TFCP2L1: variants seen among roughly 807,000 people sequenced by gnomAD.
TFCP2L1 encodes transcription factor CP2-like protein 1.
TFCP2L1 carries 12 observed loss-of-function variants against 72.2 expected under a neutral mutation model. The observed-to-expected ratio is 0.17, with a 90% CI of 0.11 to 0.27. The LOEUF (loss-of-function observed/expected upper bound fraction) is 0.27, where lower values mean the gene tolerates loss of function less well. TFCP2L1 is among the 10% of genes least tolerant of loss of function. The pLI, the probability that TFCP2L1 is intolerant of heterozygous loss-of-function variation, is 1.00. For synonymous variants in TFCP2L1, 260 were observed against 251.0 expected, an observed-to-expected ratio of 1.04 and a Z score of -0.34; for missense variants, 488 against 624.6, an observed-to-expected ratio of 0.78 and a Z score of 2.33.
At chr2:121,233,711 C>A (rs368702543) in intron 12 of TFCP2L1, among the ~76,000 whole-genome samples, 1 of 152,222 alleles carries the variant, frequency 6.6e-6, no homozygotes, top group Admixed American at 6.5e-5. Context: ...CTGACAGCCA[C>A]GCCTCTGAGG....
rs1573351814 is a variant in TFCP2L1 at position 121,224,117 on chromosome 2, T to C, written c.*224A>G. On this transcript the variant is annotated 3_prime_UTR_variant, in exon 15 of 15. Coordinates refer to ENST00000263707, the MANE Select transcript of TFCP2L1 (RefSeq NM_014553.3). ...AAAGAACAAGGAACCATTCAAAATCTGGAGGCCAAGAGGAAGGGAGAAAGG... is the reference window on the plus strand; with the variant it reads ...AAAGAACAAGGAACCATTCAAAATCCGGAGGCCAAGAGGAAGGGAGAAAGG... 2 of 591,640 alleles carry C rather than the reference T, an allele frequency of 3.4e-6. No individual in the cohort carries two copies. The highest frequency in any genetic ancestry group is 2.8e-5 in the East Asian group (1 of 35,792). 36.6% of individuals were successfully genotyped at this position (591,640 alleles called of 1,614,324 possible).
chr2:121,260,582 G>A (rs1185424029), intron 2 of TFCP2L1, among the ~76,000 whole-genome samples: 1 of 152,126 alleles, frequency 6.6e-6, no homozygotes, highest in Non-Finnish European at 1.5e-5. Context: ...CACACCAAGT[G>A]ACCTAACTGC....
intron 2 of TFCP2L1, among the ~76,000 whole-genome samples, chr2:121,265,919 G>A (rs1686921686): frequency 6.7e-6 from 1 of 148,928 alleles, no homozygotes; most frequent in African/African-American, 2.5e-5. Context: ...AGGCTGAAGT[G>A]CAGTGATGTA....
chr2:121,255,976 C>T (rs1176305818), intron 2 of TFCP2L1, among the ~76,000 whole-genome samples: 2 of 152,084 alleles, frequency 1.3e-5, no homozygotes, highest in African/African-American at 2.4e-5. Context: ...TCTCCTACCT[C>T]GTGATCCACC....
intron 2 of TFCP2L1, among the ~76,000 whole-genome samples, chr2:121,251,314 C>T (rs1440913699): frequency 2.6e-5 from 4 of 152,064 alleles, no homozygotes; most frequent in Admixed American, 6.5e-5. Flanking sequence ...GCATCCCCCA[C>T]GGTGGCATCT....
rs1403288324 is a variant in TFCP2L1, at chr2:121,217,935, C to T, written c.*6406G>A. 1.3e-5 allele frequency: 2 copies of T among 152,264 alleles called. No individual in the cohort carries two copies. Among genetic ancestry groups the T allele is most frequent in the Admixed American group, 6.5e-5 (1 of 15,294 alleles). 9.4% of individuals were successfully genotyped at this position (152,264 alleles called of 1,614,324 possible). A position where few individuals can be genotyped will look rare whatever the true frequency, so the allele number is the denominator to read the frequency against. On this transcript the variant is annotated 3_prime_UTR_variant, in exon 15 of 15. Coordinates refer to ENST00000263707, the MANE Select transcript of TFCP2L1 (RefSeq NM_014553.3). ...TTCCAAGGGGGGCTCGCCAGCCACA[C>T]AGGACACGAGATGCGTGATAGGCAG...
At chr2:121,251,865 T>G (rs1348460163) in intron 2 of TFCP2L1, among the ~76,000 whole-genome samples, 1 of 152,216 alleles carries the variant, frequency 6.6e-6, no homozygotes, top group East Asian at 1.9e-4. Flanking sequence ...TATCAGATAC[T>G]CAATAAGGAA....
At chr2:121,237,488 C>CAAACCCACACTT in intron 10 of TFCP2L1, 135 bp downstream of exon 10, 2 of 1,012,828 alleles carry the variant, frequency 2.0e-6, no homozygotes, top group Non-Finnish European at 2.9e-6. Flanking sequence ...CGTGAGCGAG[C>CAAACCCACACTT]GAACCCACAC....
chr2:121,225,958 CGGT>C (rs1686023528), intron 13 of TFCP2L1, among the ~76,000 whole-genome samples: 1 of 128,858 alleles, frequency 7.8e-6, no homozygotes, highest in Middle Eastern at 4.7e-3. Flanking sequence ...CACGGGAACA[CGGT>C]AAACACCACT....
intron 2 of TFCP2L1, among the ~76,000 whole-genome samples, chr2:121,277,985 T>G (rs1396686575): frequency 1.3e-5 from 2 of 151,734 alleles, no homozygotes; most frequent in African/African-American, 2.4e-5. Context: ...ATATACCAAA[T>G]TAACATGAGA....
intron 14 of TFCP2L1, 37 bp from the exon 15 acceptor site, chr2:121,224,424 A>G: frequency 6.2e-7 from 1 of 1,610,552 alleles, no homozygotes; most frequent in East Asian, 2.2e-5. Flanking sequence ...TTCACAGGAA[A>G]AAAGGTGCAG....
intron 2 of TFCP2L1, among the ~76,000 whole-genome samples, chr2:121,275,423 C>T (rs1268903457): frequency 4.1e-5 from 4 of 97,894 alleles, no homozygotes; most frequent in Non-Finnish European, 6.4e-5. Context: ...AAAGAAATAA[C>T]ATGTAGACAT....
intron 2 of TFCP2L1, among the ~76,000 whole-genome samples, chr2:121,263,440 A>G (rs1383036763): frequency 4.8e-5 from 7 of 145,464 alleles, no homozygotes; most frequent in Non-Finnish European, 1.1e-4. Flanking sequence ...AAGAAAAATG[A>G]GCAATGGATA....
At chr2:121,248,026 T>C in intron 5 of TFCP2L1, 138 bp downstream of exon 5, 1 of 629,548 alleles carries the variant, frequency 1.6e-6, no homozygotes, top group Non-Finnish European at 2.7e-6. Flanking sequence ...TCATTCTCTC[T>C]CTCCTGCAGT....
chr2:121,236,122 G>A (rs1686244277), intron 10 of TFCP2L1, among the ~76,000 whole-genome samples: 1 of 152,160 alleles, frequency 6.6e-6, no homozygotes, highest in South Asian at 2.1e-4. Context: ...ATCATTGTGT[G>A]ACTACACCAC....
chr2:121,232,228 T>C (rs1686160288), intron 12 of TFCP2L1, among the ~76,000 whole-genome samples: 1 of 152,002 alleles, frequency 6.6e-6, no homozygotes, highest in Admixed American at 6.5e-5. Flanking sequence ...AACCTCCATC[T>C]CCTAGATTCA....
chr2:121,283,101 G>A (rs1291081805), intron 1 of TFCP2L1, among the ~76,000 whole-genome samples: 1 of 152,182 alleles, frequency 6.6e-6, no homozygotes, highest in Non-Finnish European at 1.5e-5. Context: ...TCCACGGACT[G>A]CTGCCTTTAA....
chr2:121,281,369 C>T (rs996484788), intron 1 of TFCP2L1, 98 bp from the exon 2 acceptor site: 25 of 1,394,556 alleles, frequency 1.8e-5, no homozygotes, highest in African/African-American at 2.9e-5. Flanking sequence ...CCACCGGGGC[C>T]CAGGGTGACA....
chr2:121,231,656 C>T (rs912812797), intron 13 of TFCP2L1, among the ~76,000 whole-genome samples, 170 bp downstream of exon 13: 5 of 152,258 alleles, frequency 3.3e-5, no homozygotes, highest in South Asian at 2.1e-4. Context: ...TGGACCCAGA[C>T]GGGGCCTCAG....
Sources: gnomAD v4.1 joint callset for allele counts (sites outside exome capture counted in the v4.1 genomes callset) on GRCh38, gnomAD v4.1.1 for gene constraint, MANE v1.5 for transcripts, NCBI Gene and HGNC (gene_info 2026-07-23, HGNC 2026-07-21) for gene names.